Variants in LYPLAL1 observed in about 807,000 individuals in gnomAD.
LYPLAL1 encodes the protein lysophospholipase like 1.
In LYPLAL1, 23 loss-of-function variants were observed where a neutral mutation model predicts 19.7. The observed-to-expected ratio is 1.17, with a 90% CI of 0.84 to 1.65. The LOEUF (loss-of-function observed/expected upper bound fraction) is 1.65. LYPLAL1 is among the 40% of genes most tolerant of loss of function. LYPLAL1 has a pLI of 0.00. For missense variants in LYPLAL1, 355 were observed against 279.4 expected (o/e 1.27, Z -1.93); for synonymous variants, 119 against 96.3 (o/e 1.24, Z -1.38).
At chr1:219,187,163 A>G (rs942861304) in intron 2 of LYPLAL1, among the ~76,000 whole-genome samples, 4 of 151,700 alleles carry the variant, frequency 2.6e-5, no homozygotes, top group South Asian at 4.1e-4. Context: ...TGTTTTCAAC[A>G]GTCAACCATA....
At chr1:219,254,873 T>C in the LYPLAL1 span, among the ~76,000 whole-genome samples, 2 of 152,002 alleles carry the variant, frequency 1.3e-5, no homozygotes, top group Non-Finnish European at 2.9e-5. Context: ...ATTTTCCAAG[T>C]TGTCTGCCCT....
the LYPLAL1 span, among the ~76,000 whole-genome samples, chr1:219,266,561 G>A: frequency 1.4e-4 from 21 of 152,030 alleles, no homozygotes; most frequent in South Asian, 1.0e-3. Flanking sequence ...AAAGTATAGT[G>A]ATAGTAAATA....
the LYPLAL1 span, among the ~76,000 whole-genome samples, chr1:219,439,990 TAC>T: frequency 0.5 from 59,660 of 119,840 alleles, 13,369 homozygotes; most frequent in Non-Finnish European, 0.52. Context: ...TATATATATA[TAC>T]ACACATATAT....
At chr1:219,362,240 T>G in the LYPLAL1 span, among the ~76,000 whole-genome samples, 10 of 152,164 alleles carry the variant, frequency 6.6e-5, no homozygotes, top group African/African-American at 2.4e-4. Flanking sequence ...ATAGACATTT[T>G]GGACATAAAG....
intron 2 of LYPLAL1, among the ~76,000 whole-genome samples, chr1:219,180,441 G>C (rs1247209167): frequency 6.6e-6 from 1 of 151,884 alleles, no homozygotes; most frequent in Non-Finnish European, 1.5e-5. Flanking sequence ...AATTGAAAAA[G>C]GGAGAACAAA....
chr1:219,401,204 A>T, the LYPLAL1 span, among the ~76,000 whole-genome samples: 1 of 151,926 alleles, frequency 6.6e-6, no homozygotes, highest in Non-Finnish European at 1.5e-5. Context: ...ATTTATCACT[A>T]CTGTATGTTG....
chr1:219,386,348 T>C, the LYPLAL1 span, among the ~76,000 whole-genome samples: 2 of 152,166 alleles, frequency 1.3e-5, no homozygotes, highest in Non-Finnish European at 2.9e-5. Flanking sequence ...GTCAGAAAAC[T>C]AGCTGTATGA....
the LYPLAL1 span, among the ~76,000 whole-genome samples, chr1:219,337,539 G>C: frequency 6.6e-6 from 1 of 152,106 alleles, no homozygotes; most frequent in South Asian, 2.1e-4. Flanking sequence ...CACCTTGACT[G>C]GTCACTAGCT....
the LYPLAL1 span, among the ~76,000 whole-genome samples, chr1:219,434,746 T>A: frequency 6.6e-6 from 1 of 152,186 alleles, no homozygotes; most frequent in Non-Finnish European, 1.5e-5. Flanking sequence ...CAAGTACAGG[T>A]GCTGTCTAAA....
the LYPLAL1 span, among the ~76,000 whole-genome samples, chr1:219,233,703 G>A: frequency 6.6e-5 from 10 of 151,604 alleles, no homozygotes; most frequent in Admixed American, 1.3e-4. Flanking sequence ...CCACGAGGTC[G>A]AGGCTGCAGT....
chr1:219,180,632 G>A (rs532403532), intron 2 of LYPLAL1, among the ~76,000 whole-genome samples: 2 of 152,184 alleles, frequency 1.3e-5, no homozygotes, highest in Non-Finnish European at 1.5e-5. Context: ...GATAGTTGAA[G>A]TTGGAAGGAA....
At chr1:219,191,757 A>G (rs1657200737) in intron 2 of LYPLAL1, among the ~76,000 whole-genome samples, 1 of 151,530 alleles carries the variant, frequency 6.6e-6, no homozygotes, top group Admixed American at 6.6e-5. Flanking sequence ...CATATTTAAA[A>G]AATTTTATGT....
chr1:219,250,574 TGTTA>T, the LYPLAL1 span, among the ~76,000 whole-genome samples: 21 of 150,818 alleles, frequency 1.4e-4, no homozygotes, highest in Non-Finnish European at 2.2e-4. Context: ...TTTCTTCATG[TGTTA>T]GTTTGTTAAG....
At chr1:219,308,942 C>A in the LYPLAL1 span, among the ~76,000 whole-genome samples, 2 of 152,294 alleles carry the variant, frequency 1.3e-5, no homozygotes, top group Admixed American at 6.5e-5. Context: ...CTGCAGCTTG[C>A]ACTGCACACC....
chr1:219,437,191 C>T, the LYPLAL1 span: 2 of 152,168 alleles, frequency 1.3e-5, no homozygotes, highest in African/African-American at 2.4e-5. Context: ...TGTGACCCCA[C>T]CAGTTAGTAG....
At chr1:219,245,794 T>C in the LYPLAL1 span, among the ~76,000 whole-genome samples, 2 of 152,188 alleles carry the variant, frequency 1.3e-5, no homozygotes, top group Admixed American at 6.5e-5. Flanking sequence ...AAGGAGATAA[T>C]TTCATCCTAT....
the LYPLAL1 span, among the ~76,000 whole-genome samples, chr1:219,379,249 C>T: frequency 2.0e-5 from 3 of 152,064 alleles, no homozygotes; most frequent in African/African-American, 7.2e-5. Flanking sequence ...TGCTGAGTAG[C>T]CTTAGGCAAA....
At chr1:219,249,891 GT>G in the LYPLAL1 span, among the ~76,000 whole-genome samples, 1 of 151,850 alleles carries the variant, frequency 6.6e-6, no homozygotes, top group African/African-American at 2.4e-5. Context: ...CTTTTTGTTT[GT>G]TTAATTGTAA....
chr1:219,374,807 T>C, the LYPLAL1 span, among the ~76,000 whole-genome samples: 1 of 152,332 alleles, frequency 6.6e-6, no homozygotes, highest in Admixed American at 6.5e-5. Flanking sequence ...AGAATCAGCA[T>C]GAGAATACAG....
Sources: allele counts gnomAD v4.1 joint callset (sites outside exome capture counted in the v4.1 genomes callset), GRCh38; gene constraint gnomAD v4.1.1; transcripts MANE v1.5; gene names NCBI Gene and HGNC (gene_info 2026-07-23, HGNC 2026-07-21).